The following TMIGD3 variants were observed in gnomAD, a reference collection of about 807,000 sequenced individuals.
TMIGD3 encodes the protein transmembrane and immunoglobulin domain containing 3, also known as AD026 protein (AD026).
Under a neutral mutation model 28.1 loss-of-function variants are expected in TMIGD3, and 21 were observed. The ratio of observed to expected loss-of-function variants is 0.75; its 90% CI spans 0.53 to 1.08. The LOEUF (loss-of-function observed/expected upper bound fraction) is 1.08, where lower values mean the gene tolerates loss of function less well. Among genes scored for constraint, TMIGD3 ranks in the 50% least tolerant of loss-of-function variants. The pLI is 0.00. For synonymous variants in TMIGD3, 151 were observed against 162.1 expected (o/e 0.93, Z 0.52); for missense variants, 416 against 435.6 (o/e 0.96, Z 0.40).
intron 2 of TMIGD3, 120 bp downstream of exon 2, chr1:111,490,536 C>A: frequency 1.5e-6 from 1 of 681,866 alleles, no homozygotes; most frequent in Non-Finnish European, 2.6e-6. Context: ...ATTTTCCCAT[C>A]CCACTCCTTA....
chr1:111,562,451 T>C (rs1657777968), intron 1 of TMIGD3, among the ~76,000 whole-genome samples: 1 of 152,216 alleles, frequency 6.6e-6, no homozygotes. Context: ...TTAATCATTA[T>C]TGGTCATGTA....
chr1:111,501,614 A>G (rs1272305446), intron 1 of TMIGD3, among the ~76,000 whole-genome samples: 1 of 152,232 alleles, frequency 6.6e-6, no homozygotes, highest in Non-Finnish European at 1.5e-5. Context: ...GTAGATTAAA[A>G]AGTGAAACAC....
At chr1:111,555,650 A>G (rs1414532737) in intron 1 of TMIGD3, among the ~76,000 whole-genome samples, 1 of 152,152 alleles carries the variant, frequency 6.6e-6, no homozygotes, top group Admixed American at 6.5e-5. Context: ...AGGGATTAAA[A>G]AGGTAATATT....
intron 1 of TMIGD3, among the ~76,000 whole-genome samples, chr1:111,519,598 A>G (rs1305125530): frequency 6.6e-6 from 1 of 152,224 alleles, no homozygotes; most frequent in African/African-American, 2.4e-5. Context: ...GCATACAGGA[A>G]GACTCATTCA....
chr1:111,551,115 C>A (rs1428069032), intron 1 of TMIGD3, among the ~76,000 whole-genome samples: 3 of 152,094 alleles, frequency 2.0e-5, no homozygotes, highest in African/African-American at 7.2e-5. Context: ...TACTTTCAAC[C>A]TGTTTGTGTC....
chr1:111,492,066 C>T (rs978215305), intron 1 of TMIGD3, among the ~76,000 whole-genome samples: 3 of 152,188 alleles, frequency 2.0e-5, no homozygotes, highest in Non-Finnish European at 4.4e-5. Flanking sequence ...ATGCTGCTCC[C>T]TCTTGGGAAA....
Position 111,515,697 on chromosome 1 carries a change from C to G in TMIGD3, c.108-24935G>C, listed in dbSNP as rs141208179. On this transcript the variant is annotated intron_variant, in intron 1 of 5. Transcript: ENST00000369717. ...GCCCTGGCGCCGGGGACTGTGGCCC[C>G]GACAACCCCCCAGAAGTCGCAGTGG... is the stretch of plus-strand genomic sequence containing the variant. Among the ~76,000 whole-genome samples, 33 of 152,328 alleles carry G rather than the reference C, an allele frequency of 2.2e-4. 1 individual carries two copies. In the East Asian group the frequency reaches 5.4e-3, roughly 25 times the overall value.
intron 1 of TMIGD3, among the ~76,000 whole-genome samples, chr1:111,529,825 C>A (rs560580035): frequency 8.5e-4 from 130 of 152,182 alleles, no homozygotes; most frequent in Non-Finnish European, 1.6e-3. Context: ...ACCTTTCCCC[C>A]CTTTCTATTC....
chr1:111,541,600 T>C (rs906981767), intron 1 of TMIGD3, among the ~76,000 whole-genome samples: 12 of 151,850 alleles, frequency 7.9e-5, no homozygotes, highest in Non-Finnish European at 1.5e-4. Flanking sequence ...GAAATGTCCA[T>C]TTGGAAATCA....
intron 2 of TMIGD3, chr1:111,489,831 G>A: frequency 1.2e-6 from 1 of 813,950 alleles, no homozygotes; most frequent in Non-Finnish European, 1.5e-6. Context: ...GACCAGCATA[G>A]GCACCTCTAT....
At chr1:111,536,615 C>T (rs962318356) in intron 1 of TMIGD3, among the ~76,000 whole-genome samples, 18 of 152,206 alleles carry the variant, frequency 1.2e-4, no homozygotes, top group African/African-American at 4.3e-4. Context: ...TACCCGCGAT[C>T]CCTGTCAATG....
At chr1:111,529,917 A>T (rs1656396724) in intron 1 of TMIGD3, among the ~76,000 whole-genome samples, 1 of 147,210 alleles carries the variant, frequency 6.8e-6, no homozygotes, top group African/African-American at 2.6e-5. Context: ...GGCCGGGCAG[A>T]GGGGCTCCTC....
At chr1:111,510,611 C>T (rs544751204) in intron 1 of TMIGD3, among the ~76,000 whole-genome samples, 1 of 152,060 alleles carries the variant, frequency 6.6e-6, no homozygotes, top group African/African-American at 2.4e-5. Context: ...TTCTAGGATG[C>T]CTTTGTGCCC....
At chr1:111,495,396 A>G (rs1016290056) in intron 1 of TMIGD3, among the ~76,000 whole-genome samples, 7 of 152,242 alleles carry the variant, frequency 4.6e-5, no homozygotes, top group Admixed American at 4.6e-4. Flanking sequence ...AGAAATGCAA[A>G]TCAAAATCAA....
chr1:111,497,763 G>A (rs1654962582), intron 1 of TMIGD3, among the ~76,000 whole-genome samples: 1 of 152,196 alleles, frequency 6.6e-6, no homozygotes, highest in Non-Finnish European at 1.5e-5. Flanking sequence ...ACTCAGGACA[G>A]AACGCTGTTT....
chr1:111,554,335 C>T (rs1019812526), intron 1 of TMIGD3, among the ~76,000 whole-genome samples: 7 of 152,086 alleles, frequency 4.6e-5, no homozygotes, highest in Non-Finnish European at 8.8e-5. Context: ...TCAAACCTAC[C>T]AGATAAAAAA....
intron 1 of TMIGD3, among the ~76,000 whole-genome samples, chr1:111,547,479 G>T (rs1571455520): frequency 6.6e-6 from 1 of 151,996 alleles, no homozygotes; most frequent in East Asian, 1.9e-4. Context: ...TGTGAAAATG[G>T]AGTTAAAAAA....
At chr1:111,534,871 T>G (rs1656588634) in intron 1 of TMIGD3, among the ~76,000 whole-genome samples, 2 of 152,196 alleles carry the variant, frequency 1.3e-5, no homozygotes, top group Admixed American at 1.3e-4. Flanking sequence ...TCTACTTATC[T>G]TATGTATAGG....
chr1:111,497,545 G>A (rs1267677458), intron 1 of TMIGD3, among the ~76,000 whole-genome samples: 1 of 151,962 alleles, frequency 6.6e-6, no homozygotes, highest in Non-Finnish European at 1.5e-5. Flanking sequence ...CGGACTCCTG[G>A]GCTTATGGAA....
Sources: allele counts gnomAD v4.1 joint callset (sites outside exome capture counted in the v4.1 genomes callset), GRCh38; gene constraint gnomAD v4.1.1; transcripts MANE v1.5; gene names NCBI Gene and HGNC (gene_info 2026-07-23, HGNC 2026-07-21).